The following RBFOX1 variants were observed in gnomAD, a reference collection of about 807,000 sequenced individuals.
The protein encoded by RBFOX1 is RNA binding protein fox-1 homolog 1.
A neutral mutation model predicts 57.7 loss-of-function variants in RBFOX1; 8 were observed. That is an observed-to-expected ratio of 0.14 (90% CI 0.08 to 0.25). The LOEUF (loss-of-function observed/expected upper bound fraction) is 0.25, where lower values mean the gene tolerates loss of function less well. Among genes scored for constraint, RBFOX1 ranks in the 10% least tolerant of loss-of-function variants. RBFOX1 has a pLI of 1.00. For synonymous variants in RBFOX1, 326 were observed against 222.4 expected (o/e 1.47, Z -4.15); for missense variants, 611 against 548.5 (o/e 1.11, Z -1.14).
At chr16:6,628,088 T>C (rs779383758) in intron 2 of RBFOX1, among the ~76,000 whole-genome samples, 26 of 152,182 alleles carry the variant, frequency 1.7e-4, no homozygotes, top group Non-Finnish European at 2.6e-4. Context: ...CTCCCTTCTC[T>C]GTTCAGGAGG....
At chr16:6,000,785 G>A (rs545374233) in intron 4 of RBFOX1, among the ~76,000 whole-genome samples, 10 of 143,126 alleles carry the variant, frequency 7.0e-5, no homozygotes, top group Non-Finnish European at 1.2e-4. Flanking sequence ...AGATGGATAG[G>A]TGAATAGGTA....
chr16:7,529,149 T>C (rs1413327849), intron 5 of RBFOX1, among the ~76,000 whole-genome samples: 1 of 152,116 alleles, frequency 6.6e-6, no homozygotes, highest in Non-Finnish European at 1.5e-5. Context: ...TCATCCCCAC[T>C]GCTCGGGAGG....
chr16:6,872,692 C>T (rs999426562), intron 3 of RBFOX1, among the ~76,000 whole-genome samples: 18 of 152,078 alleles, frequency 1.2e-4, no homozygotes, highest in African/African-American at 2.7e-4. Context: ...AATTATAATC[C>T]AGGGTAAGCT....
intron 4 of RBFOX1, among the ~76,000 whole-genome samples, chr16:7,209,284 G>A (rs1050585333): frequency 8.5e-5 from 13 of 152,070 alleles, no homozygotes; most frequent in African/African-American, 3.1e-4. Context: ...GCAGTGAGCT[G>A]ATATCGTGCC....
chr16:5,475,769 C>T (rs1444622086), intron 2 of RBFOX1, among the ~76,000 whole-genome samples: 1 of 152,162 alleles, frequency 6.6e-6, no homozygotes, highest in Non-Finnish European at 1.5e-5. Flanking sequence ...AGTGGCAGAG[C>T]CAAGAGTGCC....
intron 1 of RBFOX1, among the ~76,000 whole-genome samples, chr16:6,042,478 G>T (rs1322101538): frequency 2.6e-5 from 4 of 151,900 alleles, no homozygotes; most frequent in African/African-American, 9.7e-5. Flanking sequence ...CTATCTTTAG[G>T]TCAGCTGCTT....
chr16:7,189,984 G>A lies in RBFOX1; in HGVS notation c.27+137886G>A, dbSNP rs556523497. Among the ~76,000 whole-genome samples, 14 of 152,312 alleles carry A rather than the reference G, an allele frequency of 9.2e-5. No homozygotes were observed. The East Asian group carries it at 1.9e-3, about 21-fold the overall frequency. ...AATGTAGAGTTCTTCATTGAGCAAT[G>A]ACAAAATCCCAAGACTTATTAGAAG... On this transcript the variant is annotated intron_variant, in intron 4 of 15. Coordinates refer to ENST00000550418, the MANE Select transcript of RBFOX1 (RefSeq NM_018723.4).
At chr16:5,310,691 C>T (rs1184146841) in intron 1 of RBFOX1, among the ~76,000 whole-genome samples, 1 of 152,196 alleles carries the variant, frequency 6.6e-6, no homozygotes, top group Non-Finnish European at 1.5e-5. Context: ...ACACTGTAAA[C>T]AGTAGGGTCT....
At chr16:6,231,198 G>T (rs200032862) in intron 1 of RBFOX1, among the ~76,000 whole-genome samples, 1 of 137,046 alleles carries the variant, frequency 7.3e-6, no homozygotes, top group Non-Finnish European at 1.6e-5. Flanking sequence ...AGATAGAGGG[G>T]TGTGTGTGTG....
chr16:7,034,843 TTTTTC>T (rs1464448451), intron 3 of RBFOX1, among the ~76,000 whole-genome samples: 2 of 88,456 alleles, frequency 2.3e-5, no homozygotes, highest in African/African-American at 5.4e-5. Flanking sequence ...TTTTTTTTCT[TTTTTC>T]TTTTTTTTTT....
At chr16:6,496,449 CCTTA>C (rs1455336308) in intron 2 of RBFOX1, among the ~76,000 whole-genome samples, 1 of 152,126 alleles carries the variant, frequency 6.6e-6, no homozygotes, top group Admixed American at 6.5e-5. Context: ...TTTCTCAGTG[CCTTA>C]CTTTTAATAG....
At position 6,700,695 on chromosome 16, in the gene RBFOX1, C is replaced by T. The variant is rs189585882; in HGVS notation, c.-16+46045C>T. Reference sequence around the variant, plus strand: ...ATAATAATAATTTTTTAAAAATTACCATAAGTAGATTCGTGAAACCGAGTC... The same window carrying T: ...ATAATAATAATTTTTTAAAAATTACTATAAGTAGATTCGTGAAACCGAGTC... On this transcript the variant is annotated intron_variant, in intron 3 of 15. Transcript: ENST00000550418. 3.2e-3 allele frequency among the ~76,000 whole-genome samples: 494 copies of T among 152,078 alleles called. 1 individual carries two copies. The highest frequency in any genetic ancestry group is 5.2e-3 in the Admixed American group (79 of 15,240).
intron 3 of RBFOX1, among the ~76,000 whole-genome samples, chr16:5,700,400 A>T (rs986556226): frequency 6.6e-6 from 1 of 152,154 alleles, no homozygotes; most frequent in African/African-American, 2.4e-5. Flanking sequence ...GTGGATCTAA[A>T]ATATTAGATT....
intron 2 of RBFOX1, among the ~76,000 whole-genome samples, chr16:6,585,156 T>A (rs2097589763): frequency 1.3e-5 from 2 of 152,138 alleles, no homozygotes; most frequent in South Asian, 4.1e-4. Context: ...AAAAAATTAT[T>A]CCAAGGCAGT....
In RBFOX1 at chr16:7,589,768, A is replaced by G. The variant is rs150565263; in HGVS notation, c.468+2468A>G. On this transcript the variant is annotated intron_variant, in intron 7 of 15. Transcript: ENST00000550418. ...TGGTTCAGAAACCTGAACTGTTGCTATGGCCTCATTTTCATCGTTTGGTGC... is the reference window on the plus strand; with the variant it reads ...TGGTTCAGAAACCTGAACTGTTGCTGTGGCCTCATTTTCATCGTTTGGTGC... Among the ~76,000 whole-genome samples, 7 of 152,046 alleles carry G rather than the reference A, an allele frequency of 4.6e-5. No individual in the cohort carries two copies. The East Asian group carries it at 1.2e-3, about 25-fold the overall frequency.
At chr16:7,107,346 T>C (rs898003923) in intron 4 of RBFOX1, among the ~76,000 whole-genome samples, 5 of 152,076 alleles carry the variant, frequency 3.3e-5, no homozygotes, top group African/African-American at 9.7e-5. Context: ...ATGCAGCATA[T>C]TCTGGGGTAT....
intron 3 of RBFOX1, among the ~76,000 whole-genome samples, chr16:6,667,652 G>T (rs1479289652): frequency 1.3e-5 from 2 of 152,098 alleles, no homozygotes; most frequent in Admixed American, 6.5e-5. Context: ...GGACACAAGT[G>T]GGAGGATTAC....
At chr16:7,370,524 C>A (rs1408240847) in intron 4 of RBFOX1, among the ~76,000 whole-genome samples, 2 of 152,174 alleles carry the variant, frequency 1.3e-5, no homozygotes, top group African/African-American at 2.4e-5. Flanking sequence ...TTCCCCCACG[C>A]TCCCTCCCCA....
chr16:5,942,394 C>A (rs143577115), intron 4 of RBFOX1, among the ~76,000 whole-genome samples: 1 of 152,234 alleles, frequency 6.6e-6, no homozygotes, highest in Non-Finnish European at 1.5e-5. Flanking sequence ...AGTCATGAGT[C>A]ACGGGTCTGA....
Sources: allele counts gnomAD v4.1 joint callset (sites outside exome capture counted in the v4.1 genomes callset), GRCh38; gene constraint gnomAD v4.1.1; transcripts MANE v1.5; gene names NCBI Gene and HGNC (gene_info 2026-07-23, HGNC 2026-07-21).